USF2: variants seen among roughly 807,000 people sequenced by gnomAD.
USF2 encodes the protein upstream stimulatory factor 2.
Under a neutral mutation model 46.9 loss-of-function variants are expected in USF2, and 16 were observed. The observed-to-expected ratio is 0.34, with a 90% CI of 0.23 to 0.52. The LOEUF (loss-of-function observed/expected upper bound fraction) is 0.52, where lower values mean the gene tolerates loss of function less well. Ranked by LOEUF, USF2 falls within the 20% of genes least tolerant of loss-of-function variation. USF2 has a pLI of 0.96. For missense variants in USF2, 411 were observed against 474.0 expected (o/e 0.87, Z 1.23); for synonymous variants, 239 against 194.1 (o/e 1.23, Z -1.92).
Position 35,269,708 on chromosome 19 carries a change from CG to C in USF2, c.228+12del. On this transcript the variant is annotated intron_variant, in intron 3 of 9. Coordinates refer to ENST00000222305, the MANE Select transcript of USF2 (RefSeq NM_003367.4). ...AGACAAATGGAGGACAGGTGAGCGG[CG>C]GGCCGCGAGGGCGAACGGGCGGGCG... 2 of 501,758 alleles carry C rather than the reference CG, an allele frequency of 4.0e-6. No homozygotes were observed. The highest frequency in any genetic ancestry group is 5.6e-6 in the Non-Finnish European group (2 of 355,330). 31.1% of individuals were successfully genotyped at this position (501,758 alleles called of 1,614,324 possible).
intron 8 of USF2, 70 bp from the exon 9 acceptor site, chr19:35,278,876 G>A (rs567738626): frequency 6.2e-7 from 1 of 1,600,936 alleles, no homozygotes; most frequent in East Asian, 2.2e-5. Context: ...ATGGGGCTCG[G>A]GAGTCATCCC....
intron 4 of USF2, chr19:35,270,226 G>T (rs919483332): frequency 5.7e-5 from 51 of 889,474 alleles, no homozygotes; most frequent in Non-Finnish European, 7.8e-5. Flanking sequence ...GTCTTAAGAG[G>T]AAAGTTTCTT....
At chr19:35,278,410 A>G (rs917963059) in intron 7 of USF2, 4 of 377,672 alleles carry the variant, frequency 1.1e-5, no homozygotes, top group East Asian at 4.8e-5. Flanking sequence ...TAAAATTTGT[A>G]CAAGTATGGT....
Position 35,269,505 on chromosome 19 carries a change from C to T in USF2, c.109+13C>T, listed in dbSNP as rs768770060. On this transcript the variant is annotated intron_variant, in intron 2 of 9. Coordinates refer to ENST00000222305, the MANE Select transcript of USF2 (RefSeq NM_003367.4). The stretch of plus-strand genomic sequence containing the variant: ...GAGCTGCAGGAAGGTGAGTGCTTGC[C>T]GGGCCGGCCGCGCCCGGGGAGGGCT... 3.9e-6 allele frequency: 6 copies of T among 1,544,318 alleles called. No homozygotes were observed. In the African/African-American group the frequency reaches 5.7e-5, roughly 15 times the overall value.
At chr19:35,270,075 GC>G in intron 4 of USF2, 72 bp downstream of exon 4, 2 of 1,339,020 alleles carry the variant, frequency 1.5e-6, no homozygotes, top group South Asian at 1.9e-5. Flanking sequence ...CTCTTGGGGA[GC>G]CCCGGGGGTG....
In USF2 at chr19:35,269,999, C is replaced by A; in HGVS notation, c.425C>A (p.Pro142Gln). 7.5e-7 allele frequency: 1 copy of A among 1,338,874 alleles called. No individual in the cohort carries two copies. Among genetic ancestry groups the A allele is most frequent in the Non-Finnish European group, 9.5e-7 (1 of 1,051,506 alleles). The allele number at this position is 1,338,874 out of a possible 1,614,324, so 82.9% of individuals were successfully genotyped here. A position where few individuals can be genotyped will look rare whatever the true frequency, so the allele number is the denominator to read the frequency against. ...CCCCCAGGTCCTGCAGCGCCCTTCCCGCTGGTAGGTGCCCTGCCACCCCTG... is the reference window on the plus strand; with the variant it reads ...CCCCCAGGTCCTGCAGCGCCCTTCCAGCTGGTAGGTGCCCTGCCACCCCTG... Reference protein sequence around the residue: ...SVPPGPAAPFPLAVIQNPFSN... With the variant: ...SVPPGPAAPFQLAVIQNPFSN... The change falls in exon 4 of 10, where the codon CCG (proline) becomes CAG (glutamine). Residue 142 changes from proline to glutamine, a missense_variant. Around this residue, in one of 2 missense-constraint regions of USF2, gnomAD observed 318 missense variants for 322.4 expected, o/e 0.99. Transcript: ENST00000222305.
At chr19:35,273,419 C>T (rs1245328369) in intron 7 of USF2, among the ~76,000 whole-genome samples, 1 of 152,230 alleles carries the variant, frequency 6.6e-6, no homozygotes, top group Admixed American at 6.5e-5. Flanking sequence ...GCCTTTCCTA[C>T]CCCACTGTTA....
At chr19:35,271,201 C>G in intron 7 of USF2, 60 bp downstream of exon 7, 1 of 1,602,652 alleles carries the variant, frequency 6.2e-7, no homozygotes, top group Non-Finnish European at 8.5e-7. Flanking sequence ...CTCAGCCAGC[C>G]CTGGAGTGTG....
chr19:35,269,008 G>C lies in USF2; in HGVS notation c.-94G>C, dbSNP rs1314362021. The C allele has an allele frequency of 1.6e-5, 2 of 126,770 alleles. No individual in the cohort carries two copies. The highest frequency in any genetic ancestry group is 1.5e-4 in the Admixed American group (2 of 13,138). 7.9% of individuals were successfully genotyped at this position (126,770 alleles called of 1,614,324 possible). ...GCCGCGCGGCGTGAGCGCCGGGCTC[G>C]GGGCCCCCCCGGCCGCCCGCCCCCT... is the stretch of plus-strand genomic sequence containing the variant. On this transcript the variant is annotated 5_prime_UTR_variant, in exon 1 of 10. Coordinates refer to ENST00000222305, the MANE Select transcript of USF2 (RefSeq NM_003367.4).
intron 7 of USF2, among the ~76,000 whole-genome samples, chr19:35,271,522 AT>A (rs1409924516): frequency 2.6e-5 from 4 of 152,114 alleles, no homozygotes; most frequent in Admixed American, 2.0e-4. Context: ...CCGCACTCCC[AT>A]GCCTGCCTGG....
chr19:35,269,790 C>T lies in USF2; in HGVS notation c.229-13C>T, dbSNP rs1218427261. On this transcript the variant is annotated splice_polypyrimidine_tract_variant and intron_variant, in intron 3 of 9. Coordinates refer to ENST00000222305, the MANE Select transcript of USF2 (RefSeq NM_003367.4). ...CCCCAGCGCCGGCCTCGCCGCTCTG[C>T]CGCCCCCTGCAGGTGACATACCGCG... 1 of 1,490,812 alleles carries T rather than the reference C, an allele frequency of 6.7e-7. No individual in the cohort carries two copies. Among genetic ancestry groups the T allele is most frequent in the African/African-American group, 1.5e-5 (1 of 68,092 alleles). The allele number at this position is 1,490,812 out of a possible 1,614,324, so 92.3% of individuals were successfully genotyped here.
At chr19:35,270,862 C>T (rs926758307) in intron 6 of USF2, 57 bp downstream of exon 6, 37 of 1,603,148 alleles carry the variant, frequency 2.3e-5, no homozygotes, top group Admixed American at 6.7e-5. Flanking sequence ...AGAGGGGTTT[C>T]TGGAGTAGAA....
intron 6 of USF2, 58 bp from the exon 7 acceptor site, chr19:35,271,025 G>A (rs750236232): frequency 3.8e-6 from 6 of 1,598,344 alleles, no homozygotes; most frequent in South Asian, 1.1e-5. Flanking sequence ...CTTAGCAGAT[G>A]CTTGGGCAAA....
Position 35,269,805 on chromosome 19 carries a change from G to A in USF2, c.231G>A (p.Val77=). 2 of 1,492,466 alleles carry A rather than the reference G, an allele frequency of 1.3e-6. No homozygotes were observed. Among genetic ancestry groups the A allele is most frequent in the South Asian group, 1.3e-5 (1 of 77,506 alleles). The allele number at this position is 1,492,466 out of a possible 1,614,324, so 92.5% of individuals were successfully genotyped here. A position where few individuals can be genotyped will look rare whatever the true frequency, so the allele number is the denominator to read the frequency against. ...CGCCGCTCTGCCGCCCCCTGCAGGT[G>A]ACATACCGCGTAGTCCAGGTGACTG... is the stretch of plus-strand genomic sequence containing the variant. The part of the protein sequence containing the change: ...QFRTETNGGQ[V]TYRVVQVTDG... The change falls in exon 4 of 10, where the codon GTG becomes GTA. Residue 77 remains valine (V), a splice_region_variant and synonymous_variant. Transcript: ENST00000222305.
intron 7 of USF2, among the ~76,000 whole-genome samples, chr19:35,273,671 C>T (rs1218925448): frequency 6.6e-6 from 1 of 152,214 alleles, no homozygotes; most frequent in Non-Finnish European, 1.5e-5. Flanking sequence ...GATCCTCACA[C>T]CTCAGGCTTC....
chr19:35,271,105 C>T lies in USF2; in HGVS notation c.691C>T (p.Pro231Ser), dbSNP rs887814129. The T allele has an allele frequency of 3.1e-6, 5 of 1,613,886 alleles. No homozygotes were observed. Among genetic ancestry groups the T allele is most frequent in the African/African-American group, 1.3e-5 (1 of 74,862 alleles). The change falls in exon 7 of 10, where the codon CCC (proline) becomes TCC (serine). Residue 231 changes from proline (P) to serine (S), a missense_variant. Pro to Ser is a moderately conservative substitution (Grantham distance 74, BLOSUM62 -1). This residue lies in a region of USF2 where 318 missense variants were observed against 322.4 expected (regional missense o/e 0.99). Transcript: ENST00000222305. ...TAGAAAAATTGATGGAACCAGAACACCCCGAGATGAGAGGAGAAGAGCCCA... is the reference window on the plus strand; with the variant it reads ...TAGAAAAATTGATGGAACCAGAACATCCCGAGATGAGAGGAGAAGAGCCCA... The part of the protein sequence containing the change: ...YSPKIDGTRT[P>S]RDERRRAQHN...
At chr19:35,275,637 C>T (rs1231170360) in intron 7 of USF2, 2 of 152,106 alleles carry the variant, frequency 1.3e-5, no homozygotes, top group Non-Finnish European at 2.9e-5. Flanking sequence ...TTCCAATTTT[C>T]CTTGTGATTT....
In USF2 at chr19:35,279,062, C is replaced by T. The variant is rs994167985; in HGVS notation, c.939C>T (p.Leu313=). 6.2e-7 allele frequency: 1 copy of T among 1,603,606 alleles called. No homozygotes were observed. Among genetic ancestry groups the T allele is most frequent in the Non-Finnish European group, 8.5e-7 (1 of 1,174,896 alleles). The part of the protein sequence containing the change: ...EAERLQMDNE[L]LRQQIEELKN... ...AGCGGCTGCAGATGGACAACGAGCTCCTGAGGCAGCAGGTGGGTGCGGGGC... is the reference window on the plus strand; with the variant it reads ...AGCGGCTGCAGATGGACAACGAGCTTCTGAGGCAGCAGGTGGGTGCGGGGC... The change falls in exon 9 of 10, where the codon CTC becomes CTT. Residue 313 remains leucine, a synonymous_variant. Coordinates refer to ENST00000222305, the MANE Select transcript of USF2 (RefSeq NM_003367.4).
At chr19:35,273,981 C>T (rs1205927387) in intron 7 of USF2, among the ~76,000 whole-genome samples, 1 of 152,180 alleles carries the variant, frequency 6.6e-6, no homozygotes, top group East Asian at 1.9e-4. Context: ...TTCTTTGCTG[C>T]AGAAGAGTGT....
Sources: allele counts gnomAD v4.1 joint callset (sites outside exome capture counted in the v4.1 genomes callset), GRCh38; gene constraint gnomAD v4.1.1; regional missense constraint gnomAD v4.1.1; transcripts MANE v1.5; gene names NCBI Gene and HGNC (gene_info 2026-07-23, HGNC 2026-07-21).